Variants in ASIC5 observed in about 807,000 individuals in gnomAD.
The protein encoded by ASIC5 is bile acid-sensitive ion channel.
Under a neutral mutation model 51.2 loss-of-function variants are expected in ASIC5, and 52 were observed. The ratio of observed to expected loss-of-function variants is 1.02; its 90% CI spans 0.81 to 1.28. The LOEUF (loss-of-function observed/expected upper bound fraction) is 1.28, where lower values mean the gene tolerates loss of function less well. Among genes scored for constraint, ASIC5 ranks in the 50% most tolerant of loss-of-function variants. ASIC5 has a pLI of 0.00. For missense variants in ASIC5, 635 were observed against 595.0 expected (o/e 1.07, Z -0.70); for synonymous variants, 231 against 200.7 (o/e 1.15, Z -1.28).
In ASIC5 at chr4:155,854,084, C is replaced by G. The variant is rs757839015; in HGVS notation, c.578G>C (p.Ser193Thr). The G allele has an allele frequency of 1.1e-5, 17 of 1,608,264 alleles. No homozygotes were observed. The South Asian group carries it at 1.9e-4, about 18-fold the overall frequency. The change falls in exon 3 of 10, where the codon AGC becomes ACC. Residue 193 changes from serine to threonine, a missense_variant. Transcript: ENST00000537611. ...LDCEFFGKPC[S>T]PKDFAHVFTE... ...AGAATAGAAAATCGTTACCTTTGGG[C>G]TACATGGCTTTCCAAAAAACTCACA...
At chr4:155,849,974 A>C (rs1741343650) in intron 4 of ASIC5, among the ~76,000 whole-genome samples, 1 of 151,952 alleles carries the variant, frequency 6.6e-6, no homozygotes, top group African/African-American at 2.4e-5. Context: ...TCTTCATAGA[A>C]CATGAGACTT....
intron 8 of ASIC5, among the ~76,000 whole-genome samples, chr4:155,835,450 AG>A (rs1740957915): frequency 6.6e-6 from 1 of 151,912 alleles, no homozygotes; most frequent in Non-Finnish European, 1.5e-5. Context: ...GCATTCCCTA[AG>A]ATCCTCTTGT....
chr4:155,855,815 G>A (rs1741523210), intron 2 of ASIC5, among the ~76,000 whole-genome samples: 1 of 151,692 alleles, frequency 6.6e-6, no homozygotes, highest in African/African-American at 2.4e-5. Context: ...AATGGCTGCT[G>A]CAGGGTCAGC....
Position 155,836,844 on chromosome 4 carries a change from A to C in ASIC5, c.1080T>G (p.Phe360Leu), listed in dbSNP as rs767478445. The change falls in exon 8 of 10, where the codon TTT becomes TTG. Residue 360 changes from phenylalanine (F) to leucine (L), a missense_variant. Transcript: ENST00000537611. ...GTGTTCCTACTGTACATAAATCCTT[A>C]AATTCAATGTGGTCTGAAATGAAAA... is the stretch of plus-strand genomic sequence containing the variant. Reference protein sequence around the residue: ...CVSPVLDHIEFKDLCTVGTHN... With the variant: ...CVSPVLDHIELKDLCTVGTHN... 2 of 1,594,834 alleles carry C rather than the reference A, an allele frequency of 1.3e-6. No individual in the cohort carries two copies. The highest frequency in any genetic ancestry group is 2.3e-5 in the South Asian group (2 of 86,912).
rs149171469 is a variant in ASIC5, at chr4:155,863,210, G to A, written c.347+238C>T. The stretch of plus-strand genomic sequence containing the variant: ...TCTATTTAATGATAGGATTTGGGAT[G>A]TTACCTAGAATATGATTGTGGAAGG... On this transcript the variant is annotated intron_variant, in intron 2 of 9. Coordinates refer to ENST00000537611, the MANE Select transcript of ASIC5 (RefSeq NM_017419.3). Among the ~76,000 whole-genome samples the A allele has an allele frequency of 2.1e-3, 315 of 152,142 alleles. 2 individuals carry two copies. Among genetic ancestry groups the A allele is most frequent in the South Asian group, 0.012 (60 of 4,814 alleles).
At chr4:155,855,307 T>G (rs1741505122) in intron 2 of ASIC5, 1 of 152,120 alleles carries the variant, frequency 6.6e-6, no homozygotes, top group African/African-American at 2.4e-5. Context: ...TTTAGACACC[T>G]GCCTGGAATA....
At chr4:155,863,383 C>T in intron 2 of ASIC5, 65 bp downstream of exon 2, 1 of 1,257,148 alleles carries the variant, frequency 8.0e-7, no homozygotes, top group Non-Finnish European at 1.1e-6. Flanking sequence ...CTTTGTCAGT[C>T]ATCCAAGAAA....
intron 4 of ASIC5, among the ~76,000 whole-genome samples, chr4:155,848,150 A>T (rs1741298988): frequency 6.6e-6 from 1 of 151,930 alleles, no homozygotes; most frequent in African/African-American, 2.4e-5. Flanking sequence ...CAAAGAATGA[A>T]GTTTTTTTCT....
chr4:155,845,355 G>GT (rs71600396), intron 4 of ASIC5, among the ~76,000 whole-genome samples: 103,712 of 144,740 alleles, frequency 0.72, 39,790 homozygotes, highest in East Asian at 0.85. Context: ...GTTTTTGTGG[G>GT]TTTTTTTTTT....
chr4:155,852,951 A>G (rs965323442), intron 3 of ASIC5, among the ~76,000 whole-genome samples: 3 of 152,022 alleles, frequency 2.0e-5, no homozygotes, highest in African/African-American at 7.2e-5. Flanking sequence ...GAGAACTGAT[A>G]CAGAAAGAAG....
chr4:155,832,828 G>T (rs1740898217), intron 8 of ASIC5, among the ~76,000 whole-genome samples: 1 of 152,026 alleles, frequency 6.6e-6, no homozygotes, highest in Admixed American at 6.5e-5. Context: ...AAGCCTTCAT[G>T]ACCTCTCACC....
chr4:155,852,549 A>T (rs540981648), intron 3 of ASIC5, among the ~76,000 whole-genome samples: 1 of 151,898 alleles, frequency 6.6e-6, no homozygotes, highest in Non-Finnish European at 1.5e-5. Context: ...AAAATTAAGC[A>T]TGTATTTAAA....
chr4:155,844,330 A>C (rs13118143), intron 4 of ASIC5, among the ~76,000 whole-genome samples: 10,148 of 152,044 alleles, frequency 0.067, 436 homozygotes, highest in South Asian at 0.13. Context: ...AACAAACAAA[A>C]AAAACTCCTT....
chr4:155,863,425 A>G, intron 2 of ASIC5, 23 bp downstream of exon 2: 4 of 1,563,400 alleles, frequency 2.6e-6, no homozygotes, highest in Non-Finnish European at 3.5e-6. Flanking sequence ...GGAACTAATT[A>G]TTTTTAAAAA....
At chr4:155,843,324 T>C (rs528515568) in intron 5 of ASIC5, among the ~76,000 whole-genome samples, 1 of 152,120 alleles carries the variant, frequency 6.6e-6, no homozygotes, top group Non-Finnish European at 1.5e-5. Context: ...AACAGAAACC[T>C]ACCAGACCAG....
In ASIC5 at chr4:155,850,940, T is replaced by C. The variant is rs912594859; in HGVS notation, c.711+1251A>G. On this transcript the variant is annotated intron_variant, in intron 4 of 9. Coordinates refer to ENST00000537611, the MANE Select transcript of ASIC5 (RefSeq NM_017419.3). The stretch of plus-strand genomic sequence containing the variant: ...AGGCACAGTCTTAAGAATATAAATA[T>C]AAAGAATATCGTCTATGAATGGATC... 4.3e-4 allele frequency among the ~76,000 whole-genome samples: 66 copies of C among 152,034 alleles called. 2 individuals carry two copies. The highest frequency in any genetic ancestry group is 1.6e-3 in the African/African-American group (65 of 41,444).
chr4:155,865,164 T>C (rs899414590), intron 1 of ASIC5: 1 of 151,924 alleles, frequency 6.6e-6, no homozygotes, highest in African/African-American at 2.4e-5. Context: ...TTTTACAAAT[T>C]ATATTATGAT....
chr4:155,854,482 T>C (rs1212164616), intron 2 of ASIC5, among the ~76,000 whole-genome samples, 168 bp from the exon 3 acceptor site: 3 of 152,114 alleles, frequency 2.0e-5, no homozygotes, highest in Non-Finnish European at 4.4e-5. Flanking sequence ...TGACCCATTG[T>C]GCAATTAATC....
chr4:155,829,904 AG>A lies in ASIC5; in HGVS notation c.1469del (p.Pro490LeufsTer13), dbSNP rs1321817860. On this transcript the variant is annotated frameshift_variant, in exon 10 of 10. Transcript: ENST00000537611. LOFTEE classifies it low-confidence loss of function (END_TRUNC). ...LKISEMTQWT[P>X]PPQNHLGNKN... ...TATTTCCCAGATGATTCTGAGGTGG[AG>A]GAGTCCACTGGGTCATTTCAGATAT... is the stretch of plus-strand genomic sequence containing the variant. 1 of 1,604,574 alleles carries A rather than the reference AG, an allele frequency of 6.2e-7. No individual in the cohort carries two copies. The highest frequency in any genetic ancestry group is 1.7e-5 in the Admixed American group (1 of 58,562).
Sources: gnomAD v4.1 joint callset for allele counts (sites outside exome capture counted in the v4.1 genomes callset) on GRCh38, gnomAD v4.1.1 for gene constraint, MANE v1.5 for transcripts, NCBI Gene and HGNC (gene_info 2026-07-23, HGNC 2026-07-21) for gene names.